SMG6: variants seen among roughly 807,000 people sequenced by gnomAD.
The protein encoded by SMG6 is SMG6 nonsense mediated mRNA decay factor.
SMG6 carries 66 observed loss-of-function variants against 142.2 expected under a neutral mutation model. The observed-to-expected ratio is 0.46, with a 90% CI of 0.38 to 0.57. SMG6 has a LOEUF of 0.57. Among genes scored for constraint, SMG6 ranks in the 20% least tolerant of loss-of-function variants. The pLI, the probability that SMG6 is intolerant of heterozygous loss-of-function variation, is 0.00. For missense variants in SMG6, 1,793 were observed against 1,832.0 expected (o/e 0.98, Z 0.39); for synonymous variants, 779 against 702.4 (o/e 1.11, Z -1.72).
At chr17:2,082,025 C>G in intron 14 of SMG6, 69 bp from the exon 15 acceptor site, 4 of 1,557,888 alleles carry the variant, frequency 2.6e-6, no homozygotes, top group Non-Finnish European at 3.5e-6. Context: ...TTACTGAACC[C>G]AACATTGCCC....
chr17:2,249,103 C>T (rs2073990278), intron 8 of SMG6, among the ~76,000 whole-genome samples: 1 of 151,944 alleles, frequency 6.6e-6, no homozygotes, highest in East Asian at 1.9e-4. Flanking sequence ...CCGTGTTAGC[C>T]AGGATGGTCT....
chr17:2,136,439 T>C (rs9909515), intron 13 of SMG6, among the ~76,000 whole-genome samples: 52,741 of 151,996 alleles, frequency 0.35, 9,905 homozygotes, highest in African/African-American at 0.49. Flanking sequence ...TTTCTTCATT[T>C]CTATCTCATC....
intron 13 of SMG6, among the ~76,000 whole-genome samples, chr17:2,106,549 C>T (rs2069160760): frequency 6.6e-6 from 1 of 152,018 alleles, no homozygotes; most frequent in African/African-American, 2.4e-5. Context: ...AGACCATGAC[C>T]AGAGAGGTCT....
chr17:2,248,429 T>TA (rs1350661634), intron 8 of SMG6, among the ~76,000 whole-genome samples: 2 of 152,196 alleles, frequency 1.3e-5, no homozygotes, highest in Non-Finnish European at 2.9e-5. Flanking sequence ...CCTCCTGGAC[T>TA]AAAACGAGAG....
At chr17:2,208,084 G>T (rs916302545) in intron 10 of SMG6, among the ~76,000 whole-genome samples, 1 of 152,060 alleles carries the variant, frequency 6.6e-6, no homozygotes, top group South Asian at 2.1e-4. Context: ...AGCAATGTTC[G>T]TGCCACCGCA....
At chr17:2,188,015 G>A (rs1026896244) in intron 11 of SMG6, among the ~76,000 whole-genome samples, 2 of 152,064 alleles carry the variant, frequency 1.3e-5, no homozygotes, top group African/African-American at 2.4e-5. Flanking sequence ...GGTCCACAGC[G>A]GTTACAGAAC....
chr17:2,303,466 C>T, intron 1 of SMG6, 167 bp downstream of exon 1: 8 of 1,318,840 alleles, frequency 6.1e-6, no homozygotes, highest in Non-Finnish European at 7.7e-6. Flanking sequence ...CCCGCACTAA[C>T]CCGCGAGAGA....
At chr17:2,297,814 T>C (rs1463851734) in intron 3 of SMG6, 49 bp downstream of exon 3, 3 of 1,570,638 alleles carry the variant, frequency 1.9e-6, no homozygotes, top group Non-Finnish European at 2.6e-6. Context: ...CCATCGTAAC[T>C]ACAGAATGCT....
rs763530740 is a variant in SMG6, at chr17:2,090,095, A to C, written c.3358-4194T>G. ...CTACTAGGGAGGCTGAGGCAGGAGA[A>C]TCGCTTGAATCTGGGAGGTGGAGGT... On this transcript the variant is annotated intron_variant, in intron 13 of 18. Transcript: ENST00000263073. 3.3e-5 allele frequency among the ~76,000 whole-genome samples: 5 copies of C among 150,958 alleles called. No individual in the cohort carries two copies. The East Asian group carries it at 9.8e-4, about 30-fold the overall frequency.
intron 15 of SMG6, among the ~76,000 whole-genome samples, chr17:2,076,401 C>T (rs938561582): frequency 1.3e-5 from 2 of 152,152 alleles, no homozygotes; most frequent in South Asian, 2.1e-4. Context: ...ACTCCCAGGA[C>T]AATTTATACC....
At chr17:2,082,168 T>G (rs2068443328) in intron 14 of SMG6, 1 of 560,880 alleles carries the variant, frequency 1.8e-6, no homozygotes, top group African/African-American at 1.9e-5. Flanking sequence ...TCTTTTATAC[T>G]CTGGGGCTTT....
intron 13 of SMG6, among the ~76,000 whole-genome samples, chr17:2,166,231 CA>C (rs2071334695): frequency 6.6e-6 from 1 of 151,760 alleles, no homozygotes. Context: ...ACAACAACAA[CA>C]AAAAACTACT....
At chr17:2,112,423 G>A (rs1308258807) in intron 13 of SMG6, among the ~76,000 whole-genome samples, 2 of 151,556 alleles carry the variant, frequency 1.3e-5, no homozygotes, top group Non-Finnish European at 2.9e-5. Context: ...CAGGAGAATG[G>A]CATGAACCCG....
chr17:2,121,578 C>A (rs1259086922), intron 13 of SMG6, among the ~76,000 whole-genome samples: 3 of 58,532 alleles, frequency 5.1e-5, no homozygotes, highest in African/African-American at 3.1e-4. Flanking sequence ...TATATATGTA[C>A]ATGTCTGTCT....
chr17:2,075,194 C>T (rs564737492), intron 15 of SMG6, among the ~76,000 whole-genome samples: 2 of 152,148 alleles, frequency 1.3e-5, no homozygotes, highest in South Asian at 2.1e-4. Context: ...TCTGTGTATA[C>T]CCCATTGTTC....
rs1322263116 is a variant in SMG6 at position 2,081,956 on chromosome 17, C to T, written c.3535G>A (p.Glu1179Lys). The change falls in exon 15 of 19, where the codon GAG becomes AAG. Residue 1179 changes from glutamate to lysine, a missense_variant and splice_region_variant. Physicochemically the swap from Glu to Lys is moderately conservative, Grantham distance 56 (BLOSUM62 1). This residue lies in a region of SMG6 where 1,597 missense variants were observed against 1,584.6 expected (regional missense o/e 1.01). Transcript: ENST00000263073. ...SQEGTRLEDE[E>K]EDVVIEDFEE... The stretch of plus-strand genomic sequence containing the variant: ...AAGTCTTCAATCACCACATCCTCCT[C>T]CTTTGGGTGGTGGAGCCGACCAGGA... 6.2e-7 allele frequency: 1 copy of T among 1,614,128 alleles called. No homozygotes were observed. Among genetic ancestry groups the T allele is most frequent in the South Asian group, 1.1e-5 (1 of 91,086 alleles).
chr17:2,240,569 G>C (rs2073775909), intron 9 of SMG6, among the ~76,000 whole-genome samples: 1 of 152,164 alleles, frequency 6.6e-6, no homozygotes, highest in South Asian at 2.1e-4. Context: ...GATCAGGTTA[G>C]TTGAAGCCCG....
At chr17:2,090,749 C>CA (rs1398920173) in intron 13 of SMG6, among the ~76,000 whole-genome samples, 3 of 152,222 alleles carry the variant, frequency 2.0e-5, no homozygotes, top group East Asian at 3.8e-4. Flanking sequence ...GGTTTCCCCC[C>CA]ACAAACTCAA....
intron 13 of SMG6, among the ~76,000 whole-genome samples, chr17:2,112,328 C>T (rs899412150): frequency 1.3e-5 from 2 of 151,440 alleles, no homozygotes; most frequent in Non-Finnish European, 2.9e-5. Context: ...CATGGTGAAA[C>T]CCCGTCTCTA....
Sources: gnomAD v4.1 joint callset for allele counts (sites outside exome capture counted in the v4.1 genomes callset) on GRCh38, gnomAD v4.1.1 for gene constraint, gnomAD v4.1.1 regional missense constraint, MANE v1.5 for transcripts, NCBI Gene and HGNC (gene_info 2026-07-23, HGNC 2026-07-21) for gene names.